SPPL3: variants seen among roughly 807,000 people sequenced by gnomAD.
SPPL3 encodes the protein signal peptide peptidase like 3.
In SPPL3, 5 loss-of-function variants were observed where a neutral mutation model predicts 42.4. That is an observed-to-expected ratio of 0.12 (90% CI 0.06 to 0.25). The LOEUF (loss-of-function observed/expected upper bound fraction) is 0.25, where lower values mean the gene tolerates loss of function less well. Among genes scored for constraint, SPPL3 ranks in the 10% least tolerant of loss-of-function variants. SPPL3 has a pLI of 1.00. For synonymous variants in SPPL3, 195 were observed against 181.8 expected (o/e 1.07, Z -0.58); for missense variants, 235 against 489.0 (o/e 0.48, Z 4.90).
At chr12:120,788,132 G>C (rs1483561583) in intron 3 of SPPL3, among the ~76,000 whole-genome samples, 2 of 152,166 alleles carry the variant, frequency 1.3e-5, no homozygotes, top group African/African-American at 2.4e-5. Flanking sequence ...CTCCAGTAAC[G>C]CAAGAGGGCT....
At chr12:120,810,976 G>C (rs1019044765) in intron 1 of SPPL3, 90 bp from the exon 2 acceptor site, 17 of 793,876 alleles carry the variant, frequency 2.1e-5, no homozygotes, top group African/African-American at 1.4e-4. Flanking sequence ...ACCCCACTGA[G>C]CTTTGTTTTT....
intron 1 of SPPL3, among the ~76,000 whole-genome samples, chr12:120,812,794 C>T (rs551338826): frequency 6.6e-6 from 1 of 152,348 alleles, no homozygotes; most frequent in East Asian, 1.9e-4. Flanking sequence ...TACTTAGCCT[C>T]TCTAAGCTTC....
At chr12:120,788,914 TTTGA>T (rs1438440598) in intron 3 of SPPL3, among the ~76,000 whole-genome samples, 1 of 152,230 alleles carries the variant, frequency 6.6e-6, no homozygotes, top group East Asian at 1.9e-4. Context: ...CTATTATTTC[TTTGA>T]TTCTTGATAA....
intron 3 of SPPL3, among the ~76,000 whole-genome samples, chr12:120,789,455 A>AAAAAAAAAAAG (rs1305137436): frequency 1.3e-5 from 2 of 151,160 alleles, no homozygotes; most frequent in Non-Finnish European, 2.9e-5. Context: ...CTGTCTCAAA[A>AAAAAAAAAAAG]AAAAAAAGAA....
Position 120,780,166 on chromosome 12 carries a change from C to T in SPPL3, c.502+2489G>A, listed in dbSNP as rs952988215. Among the ~76,000 whole-genome samples, 202 of 151,136 alleles carry T rather than the reference C, an allele frequency of 1.3e-3. 2 individuals carry two copies. Among genetic ancestry groups the T allele is most frequent in the African/African-American group, 4.6e-3 (192 of 41,392 alleles). On this transcript the variant is annotated intron_variant, in intron 6 of 10. Transcript: ENST00000353487. ...CTGGTCTTGAACTCCTCGCCTCAAG[C>T]AATCCTCCCATCCTGGCCTCTCAAA... is the stretch of plus-strand genomic sequence containing the variant.
intron 1 of SPPL3, among the ~76,000 whole-genome samples, chr12:120,871,255 G>C (rs1194582975): frequency 3.3e-5 from 5 of 151,084 alleles, no homozygotes; most frequent in Admixed American, 6.6e-5. Context: ...TAAATTTTAT[G>C]TTATATATAC....
chr12:120,893,153 G>GT (rs1442377573), intron 1 of SPPL3, among the ~76,000 whole-genome samples: 1 of 151,120 alleles, frequency 6.6e-6, no homozygotes, highest in Non-Finnish European at 1.5e-5. Context: ...TGAAACTACA[G>GT]TAAAAAAAAA....
chr12:120,811,148 GTA>G (rs1260210714), intron 1 of SPPL3: 1 of 287,370 alleles, frequency 3.5e-6, no homozygotes, highest in Middle Eastern at 1.0e-3. Flanking sequence ...TCCCATCTCT[GTA>G]TATGTTTACA....
rs564971174 is a variant in SPPL3, at chr12:120,802,359, G to GTA, written c.101+8448_101+8449dup. 3.3e-3 allele frequency among the ~76,000 whole-genome samples: 481 copies of GTA among 143,726 alleles called. 4 individuals are homozygous for GTA. Among genetic ancestry groups the GTA allele is most frequent in the African/African-American group, 0.012 (454 of 37,754 alleles). 94.3% of individuals were successfully genotyped at this position (143,726 alleles called of 152,430 possible). A position where few individuals can be genotyped will look rare whatever the true frequency, so the allele number is the denominator to read the frequency against. On this transcript the variant is annotated intron_variant, in intron 2 of 10. Transcript: ENST00000353487. ...TATATGTATGTATGTATGTATGTGT[G>GTA]TATATATATACATATATATGTATAT...
intron 2 of SPPL3, 33 bp downstream of exon 2, chr12:120,810,776 A>G: frequency 6.5e-7 from 1 of 1,539,866 alleles, no homozygotes; most frequent in Non-Finnish European, 8.9e-7. Context: ...TTCCACCTCC[A>G]ACTTGTATCA....
intron 1 of SPPL3, among the ~76,000 whole-genome samples, chr12:120,845,995 T>C (rs376563528): frequency 7.9e-5 from 12 of 152,150 alleles, no homozygotes; most frequent in African/African-American, 2.9e-4. Flanking sequence ...CCTCCCGGGT[T>C]CAAGCGATTC....
intron 2 of SPPL3, among the ~76,000 whole-genome samples, chr12:120,801,304 T>C (rs1870285660): frequency 6.6e-6 from 1 of 152,124 alleles, no homozygotes; most frequent in Non-Finnish European, 1.5e-5. Context: ...CTCTTCTCTC[T>C]CTCTCATAAT....
chr12:120,854,022 ACAC>A (rs1872363690), intron 1 of SPPL3, among the ~76,000 whole-genome samples: 1 of 143,014 alleles, frequency 7.0e-6, no homozygotes, highest in South Asian at 2.3e-4. Flanking sequence ...ACACACACAC[ACAC>A]GGGGAAAAAA....
In SPPL3 at chr12:120,903,841, TCAC is replaced by T. The variant is rs1874068462; in HGVS notation, c.23+1_23+3del. 1.0e-5 allele frequency: 15 copies of T among 1,440,950 alleles called. No homozygotes were observed. The highest frequency in any genetic ancestry group is 1.3e-5 in the Non-Finnish European group (14 of 1,097,958). 89.3% of individuals were successfully genotyped at this position (1,440,950 alleles called of 1,614,324 possible). ...CTCCCGGCCTCCCGGAGCCCCGCAC[TCAC>T]CACGAGTAGGTCTGCTCCGCCATGG... On this transcript the variant is annotated splice_donor_variant and splice_donor_region_variant and intron_variant, in intron 1 of 10. Transcript: ENST00000353487. LOFTEE classifies it high-confidence loss of function.
At chr12:120,823,008 A>G (rs1039357422) in intron 1 of SPPL3, among the ~76,000 whole-genome samples, 4 of 151,766 alleles carry the variant, frequency 2.6e-5, no homozygotes, top group Non-Finnish European at 5.9e-5. Flanking sequence ...CAGGTTGCCA[A>G]ATTAAACAGA....
chr12:120,883,254 G>A (rs894134461), intron 1 of SPPL3, among the ~76,000 whole-genome samples: 4 of 145,740 alleles, frequency 2.7e-5, no homozygotes, highest in Admixed American at 6.8e-5. Flanking sequence ...GCAGTGAGCC[G>A]AGATCGCACC....
intron 1 of SPPL3, among the ~76,000 whole-genome samples, chr12:120,848,108 C>T (rs1309962962): frequency 6.6e-6 from 1 of 152,226 alleles, no homozygotes; most frequent in African/African-American, 2.4e-5. Flanking sequence ...CTGACCTGCA[C>T]TACTTACCAG....
chr12:120,772,881 G>A (rs1222833135), intron 6 of SPPL3, among the ~76,000 whole-genome samples: 1 of 152,186 alleles, frequency 6.6e-6, no homozygotes, highest in Non-Finnish European at 1.5e-5. Context: ...GAGTTACAGG[G>A]TGAGCTGCAG....
At chr12:120,898,425 T>C (rs371457927) in intron 1 of SPPL3, among the ~76,000 whole-genome samples, 6 of 150,820 alleles carry the variant, frequency 4.0e-5, no homozygotes, top group Non-Finnish European at 2.9e-5. Context: ...TTTATCCTTA[T>C]GTAGCTTATT....
Sources: allele counts gnomAD v4.1 joint callset (sites outside exome capture counted in the v4.1 genomes callset), GRCh38; gene constraint gnomAD v4.1.1; transcripts MANE v1.5; gene names NCBI Gene and HGNC (gene_info 2026-07-23, HGNC 2026-07-21).